Variants in CPNE3 observed in about 807,000 individuals in gnomAD.
The protein encoded by CPNE3 is copine 3.
In CPNE3, 68 loss-of-function variants were observed where a neutral mutation model predicts 63.9. That is an observed-to-expected ratio of 1.06 (90% CI 0.87 to 1.30). CPNE3 has a LOEUF of 1.30. Ranked by LOEUF, CPNE3 falls within the 50% of genes most tolerant of loss-of-function variation. The pLI, the probability that CPNE3 is intolerant of heterozygous loss-of-function variation, is 0.00. For missense variants in CPNE3, 665 were observed against 578.1 expected (o/e 1.15, Z -1.54); for synonymous variants, 219 against 197.5 (o/e 1.11, Z -0.91).
intron 4 of CPNE3, 123 bp downstream of exon 4, chr8:86,529,247 T>C: frequency 1.4e-6 from 1 of 735,192 alleles, no homozygotes; most frequent in South Asian, 2.1e-5. Flanking sequence ...TTAAAGACAG[T>C]TTATATATTA....
At chr8:86,520,416 C>T (rs923834756) in intron 2 of CPNE3, among the ~76,000 whole-genome samples, 5 of 143,096 alleles carry the variant, frequency 3.5e-5, no homozygotes, top group East Asian at 2.0e-4. Context: ...ATTAGCTGGG[C>T]GTGATGGCAG....
At chr8:86,515,760 GC>G (rs1391243035) in intron 2 of CPNE3, among the ~76,000 whole-genome samples, 2 of 152,120 alleles carry the variant, frequency 1.3e-5, no homozygotes, top group Non-Finnish European at 2.9e-5. Flanking sequence ...AAAACATTTA[GC>G]AAAGTGCTTG....
chr8:86,533,972 C>T (rs1448895717), intron 6 of CPNE3, among the ~76,000 whole-genome samples: 3 of 152,052 alleles, frequency 2.0e-5, no homozygotes, highest in Admixed American at 1.3e-4. Context: ...CAAGTTTCCA[C>T]GTTCAAGTTG....
At chr8:86,539,420 A>G (rs1563693429) in intron 7 of CPNE3, among the ~76,000 whole-genome samples, 1 of 152,162 alleles carries the variant, frequency 6.6e-6, no homozygotes, top group Non-Finnish European at 1.5e-5. Context: ...TTGCTACTGG[A>G]TATCATTGTT....
intron 6 of CPNE3, 32 bp downstream of exon 6, chr8:86,532,612 G>A: frequency 1.3e-6 from 2 of 1,560,964 alleles, no homozygotes; most frequent in Non-Finnish European, 1.7e-6. Context: ...CAAAAAGGTT[G>A]TCATGTTTTG....
intron 14 of CPNE3, among the ~76,000 whole-genome samples, chr8:86,552,641 A>C (rs1821207090): frequency 6.6e-6 from 1 of 151,644 alleles, no homozygotes; most frequent in Non-Finnish European, 1.5e-5. Context: ...TACAGCAAAA[A>C]GCTCAGAGCC....
intron 9 of CPNE3, 60 bp from the exon 10 acceptor site, chr8:86,546,535 C>T (rs566542902): frequency 1.3e-6 from 2 of 1,545,648 alleles, no homozygotes; most frequent in African/African-American, 2.8e-5. Context: ...CATTTAAAGT[C>T]ACATTGGCAT....
intron 11 of CPNE3, among the ~76,000 whole-genome samples, 169 bp downstream of exon 11, chr8:86,547,939 G>C (rs1387923815): frequency 6.6e-6 from 1 of 152,176 alleles, no homozygotes; most frequent in South Asian, 2.1e-4. Flanking sequence ...TCTCAGTTTT[G>C]TTGATGAGAT....
chr8:86,526,478 T>C (rs1011776967), intron 2 of CPNE3, among the ~76,000 whole-genome samples: 3 of 151,340 alleles, frequency 2.0e-5, no homozygotes, highest in Admixed American at 6.6e-5. Flanking sequence ...ACTAGGCACA[T>C]ATATAAATAT....
At position 86,556,188 on chromosome 8, in the gene CPNE3, G is replaced by C. The variant is rs756311998; in HGVS notation, c.1341G>C (p.Leu447=). 21 of 873,030 alleles carry C rather than the reference G, an allele frequency of 2.4e-5. No individual in the cohort carries two copies. The South Asian group carries it at 2.7e-4, about 11-fold the overall frequency. The allele number at this position is 873,030 out of a possible 1,614,324, so 54.1% of individuals were successfully genotyped here. A position where few individuals can be genotyped will look rare whatever the true frequency, so the allele number is the denominator to read the frequency against. ...TRQAIVNASR[L]PMSIIIVGVG... ...AAGCTATAGTTAATGCCTCCAGGCT[G>C]CCTATGTCCATCATAATTGTTGGAG... Residue 447 remains leucine (L), a synonymous_variant, in exon 16 of 17, where the codon CTG becomes CTC. Coordinates refer to ENST00000517490, the MANE Select transcript of CPNE3 (RefSeq NM_003909.5).
chr8:86,546,768 G>C, intron 10 of CPNE3, 87 bp downstream of exon 10: 1 of 1,425,226 alleles, frequency 7.0e-7, no homozygotes, highest in Non-Finnish European at 9.4e-7. Flanking sequence ...CTGGAGCGCA[G>C]TGGTGTGATC....
intron 5 of CPNE3, 64 bp downstream of exon 5, chr8:86,531,293 T>C (rs1820678650): frequency 2.5e-6 from 2 of 804,302 alleles, no homozygotes; most frequent in East Asian, 5.1e-5. Flanking sequence ...GCCGAAACTG[T>C]CCATATCAGA....
intron 2 of CPNE3, among the ~76,000 whole-genome samples, chr8:86,527,205 C>T (rs1820560691): frequency 6.6e-6 from 1 of 152,164 alleles, no homozygotes; most frequent in African/African-American, 2.4e-5. Flanking sequence ...GCCAGCAGCT[C>T]TAGGGTAGTA....
chr8:86,545,562 A>G (rs1376220172), intron 9 of CPNE3, among the ~76,000 whole-genome samples: 1 of 152,196 alleles, frequency 6.6e-6, no homozygotes, highest in Non-Finnish European at 1.5e-5. Context: ...AATACTCAAC[A>G]ATTAATACTT....
At chr8:86,531,645 GTCAATGAACCTATAAACTCTTTACCA>G (rs66480717) in intron 5 of CPNE3, among the ~76,000 whole-genome samples, 26,071 of 152,100 alleles carry the variant, frequency 0.17, 2,261 homozygotes, top group Non-Finnish European at 0.19. Context: ...TTATGACATG[GTCAATGAACCTATAAACTCTTTACCA>G]TCATTTTTTG....
At chr8:86,556,476 T>C (rs1397112272) in intron 16 of CPNE3, 138 bp downstream of exon 16, 3 of 692,320 alleles carry the variant, frequency 4.3e-6, no homozygotes, top group Non-Finnish European at 2.6e-6. Context: ...AGAGCTCCGA[T>C]TTGGTTTAGC....
chr8:86,542,555 A>G (rs1316959621), intron 8 of CPNE3, among the ~76,000 whole-genome samples: 1 of 151,780 alleles, frequency 6.6e-6, no homozygotes, highest in Admixed American at 6.6e-5. Flanking sequence ...ATGCATGTGT[A>G]TATGTATATT....
At chr8:86,554,739 C>T in intron 14 of CPNE3, 112 bp from the exon 15 acceptor site, 1 of 1,278,816 alleles carries the variant, frequency 7.8e-7, no homozygotes, top group Non-Finnish European at 1.1e-6. Context: ...GAACTTTTGA[C>T]TATTTAAAGC....
chr8:86,532,019 A>G (rs1008209686), intron 5 of CPNE3, among the ~76,000 whole-genome samples: 9 of 152,264 alleles, frequency 5.9e-5, no homozygotes, highest in African/African-American at 1.9e-4. Flanking sequence ...TGTGGGAAAG[A>G]GAACATTATC....
Sources: allele counts gnomAD v4.1 joint callset (sites outside exome capture counted in the v4.1 genomes callset), GRCh38; gene constraint gnomAD v4.1.1; transcripts MANE v1.5; gene names NCBI Gene and HGNC (gene_info 2026-07-23, HGNC 2026-07-21).